Variants in SORBS2 observed in about 807,000 individuals in gnomAD.
SORBS2 encodes the protein sorbin and SH3 domain containing 2.
SORBS2 carries 46 observed loss-of-function variants against 97.7 expected under a neutral mutation model. The ratio of observed to expected loss-of-function variants is 0.47; its 90% CI spans 0.37 to 0.60. SORBS2 has a LOEUF of 0.60. SORBS2 is among the 20% of genes least tolerant of loss of function. SORBS2 has a pLI of 0.00. For synonymous variants in SORBS2, 476 were observed against 473.4 expected (o/e 1.01, Z -0.07); for missense variants, 1,316 against 1,282.3 (o/e 1.03, Z -0.40).
chr4:185,671,085 C>T (rs1368145351), intron 4 of SORBS2, among the ~76,000 whole-genome samples: 1 of 152,096 alleles, frequency 6.6e-6, no homozygotes, highest in Non-Finnish European at 1.5e-5. Flanking sequence ...TGGCCATTGC[C>T]CCGTTTCCCT....
chr4:185,646,482 A>T (rs950809806), intron 4 of SORBS2, 186 bp downstream of exon 13: 1 of 541,840 alleles, frequency 1.8e-6, no homozygotes, highest in Non-Finnish European at 3.3e-6. Context: ...GTCAGTAAAG[A>T]CAATATATTA....
intron 1 of SORBS2, among the ~76,000 whole-genome samples, chr4:185,824,808 A>G (rs2099198862): frequency 6.6e-6 from 1 of 152,214 alleles, no homozygotes; most frequent in Non-Finnish European, 1.5e-5. Context: ...GATTCTACCA[A>G]ATCTCCTCTA....
chr4:185,724,543 C>G (rs1156971955), intron 2 of SORBS2, among the ~76,000 whole-genome samples: 1 of 152,126 alleles, frequency 6.6e-6, no homozygotes, highest in Non-Finnish European at 1.5e-5. Context: ...TCTTCACTGT[C>G]ATTTATATTG....
At chr4:185,805,616 C>A (rs1185496798) in intron 1 of SORBS2, among the ~76,000 whole-genome samples, 1 of 152,282 alleles carries the variant, frequency 6.6e-6, no homozygotes, top group East Asian at 1.9e-4. Context: ...CTGGTTTAAG[C>A]CTGGCGCTCT....
Position 185,762,636 on chromosome 4 carries a change from T to A in SORBS2, c.-198+12591A>T, listed in dbSNP as rs1215207887. Among the ~76,000 whole-genome samples the A allele has an allele frequency of 2.0e-5, 3 of 152,344 alleles. No homozygotes were observed. The East Asian group carries it at 5.8e-4, about 29-fold the overall frequency. On this transcript the variant is annotated intron_variant, in intron 2 of 20. Transcript: ENST00000284776. Reference sequence around the variant, plus strand: ...GAGAGTCAGCAGCATGTAATGCCAGTAATCTAAAAGACTTGTCTCCACATT... The same window carrying A: ...GAGAGTCAGCAGCATGTAATGCCAGAAATCTAAAAGACTTGTCTCCACATT...
At chr4:185,768,805 T>C (rs2153620458) in intron 2 of SORBS2, among the ~76,000 whole-genome samples, 1 of 152,260 alleles carries the variant, frequency 6.6e-6, no homozygotes, top group African/African-American at 2.4e-5. Flanking sequence ...ACATGTGGCC[T>C]GTTCTTCTGA....
chr4:185,773,140 T>G (rs2098981320), intron 2 of SORBS2: 1 of 152,092 alleles, frequency 6.6e-6, no homozygotes, highest in Non-Finnish European at 1.5e-5. Flanking sequence ...GATTTCATCC[T>G]GGTGCCATTT....
rs368046187 is a variant in SORBS2 at position 185,620,148 on chromosome 4, C to T, written c.2219G>A (p.Arg740His). The T allele has an allele frequency of 4.4e-5, 71 of 1,597,490 alleles. No homozygotes were observed. The highest frequency in any genetic ancestry group is 5.2e-5 in the Non-Finnish European group (61 of 1,164,812). Reference sequence around the variant, plus strand: ...GGATGAGTAACTTCTAGGGGACTCACGGTCTATTGGAAAGAACAGGGCCAG... The same window carrying T: ...GGATGAGTAACTTCTAGGGGACTCATGGTCTATTGGAAAGAACAGGGCCAG... The change falls in exon 8 of 15, where the codon CGT becomes CAT. Residue 740 changes from arginine (R) to histidine (H), a missense_variant. Physicochemically the swap from Arg to His is conservative, Grantham distance 29. Transcript: ENST00000418609.
intron 1 of SORBS2, among the ~76,000 whole-genome samples, chr4:185,848,720 C>A (rs1439185094): frequency 6.9e-6 from 1 of 145,442 alleles, no homozygotes; most frequent in Non-Finnish European, 1.5e-5. Flanking sequence ...TCAATGGATC[C>A]CCCTACCTCA....
chr4:185,782,754 G>A (rs1248456412), intron 1 of SORBS2, among the ~76,000 whole-genome samples: 1 of 143,254 alleles, frequency 7.0e-6, no homozygotes, highest in Non-Finnish European at 1.6e-5. Context: ...CTGGCAAATA[G>A]CCAAGTCATG....
At chr4:185,841,957 C>T (rs2099211816) in intron 1 of SORBS2, among the ~76,000 whole-genome samples, 1 of 152,188 alleles carries the variant, frequency 6.6e-6, no homozygotes, top group Non-Finnish European at 1.5e-5. Flanking sequence ...TTCATTCATT[C>T]AGCATTCATG....
In SORBS2 at chr4:185,732,460, G is replaced by C. The variant is rs141358556; in HGVS notation, c.-198+42767C>G. 4.7e-3 allele frequency among the ~76,000 whole-genome samples: 716 copies of C among 152,322 alleles called. 6 individuals are homozygous for C. The highest frequency in any genetic ancestry group is 0.016 in the African/African-American group (676 of 41,562). On this transcript the variant is annotated intron_variant, in intron 2 of 20. Transcript: ENST00000284776. Reference sequence around the variant, plus strand: ...TTCATGATTTCTCAGGGAGACCAAAGTGCCTATGTGACTGTGAGGGGTTAT... The same window carrying C: ...TTCATGATTTCTCAGGGAGACCAAACTGCCTATGTGACTGTGAGGGGTTAT...
chr4:185,597,313 A>G lies in SORBS2; in HGVS notation c.2797-3378T>C, dbSNP rs139341245. Among the ~76,000 whole-genome samples, 728 of 152,282 alleles carry G rather than the reference A, an allele frequency of 4.8e-3. 6 individuals are homozygous for G. The highest frequency in any genetic ancestry group is 0.017 in the African/African-American group (700 of 41,554). The stretch of plus-strand genomic sequence containing the variant: ...CCCTCAGGGATTCCATGAAGGATAC[A>G]CATTTCCACAGATGTATTTCCTCTG... On this transcript the variant is annotated intron_variant, in intron 12 of 14. Coordinates refer to ENST00000418609, the Ensembl canonical transcript of SORBS2.
chr4:185,644,601 G>A (rs1273929105), intron 4 of SORBS2, among the ~76,000 whole-genome samples: 1 of 152,130 alleles, frequency 6.6e-6, no homozygotes, highest in Non-Finnish European at 1.5e-5. Context: ...CTGGGGCAAG[G>A]CGAGCTAATG....
intron 1 of SORBS2, among the ~76,000 whole-genome samples, chr4:185,795,889 A>G (rs9998709): frequency 0.27 from 40,476 of 151,942 alleles, 5,510 homozygotes; most frequent in African/African-American, 0.31. Flanking sequence ...CAAGACAGAA[A>G]CCTGGTGATT....
At chr4:185,595,803 A>C (rs1394065044) in intron 12 of SORBS2, among the ~76,000 whole-genome samples, 1 of 151,614 alleles carries the variant, frequency 6.6e-6, no homozygotes, top group Non-Finnish European at 1.5e-5. Context: ...AATGCTATAC[A>C]CATTTTTTAT....
At chr4:185,920,861 T>A (rs2099260606) in intron 1 of SORBS2, among the ~76,000 whole-genome samples, 2 of 152,160 alleles carry the variant, frequency 1.3e-5, no homozygotes, top group Non-Finnish European at 2.9e-5. Flanking sequence ...GTAACAAAAG[T>A]CATCTGTACA....
intron 1 of SORBS2, among the ~76,000 whole-genome samples, chr4:185,932,751 C>T (rs1339156964): frequency 6.6e-6 from 1 of 152,204 alleles, no homozygotes; most frequent in African/African-American, 2.4e-5. Context: ...CTCGGTTGCC[C>T]TGGCCACACC....
intron 1 of SORBS2, chr4:185,894,443 T>C (rs1002238201): frequency 1.3e-5 from 2 of 152,088 alleles, no homozygotes; most frequent in Admixed American, 6.5e-5. Context: ...AAAATAAAAA[T>C]CGATTTGAAA....
Sources: allele counts gnomAD v4.1 joint callset (sites outside exome capture counted in the v4.1 genomes callset), GRCh38; gene constraint gnomAD v4.1.1; transcripts MANE v1.5; gene names NCBI Gene and HGNC (gene_info 2026-07-23, HGNC 2026-07-21).